The following COL18A1 variants were observed in gnomAD, a reference collection of about 807,000 sequenced individuals.
The protein encoded by COL18A1 is collagen type XVIII alpha 1 chain.
In COL18A1, 133 loss-of-function variants were observed where a neutral mutation model predicts 168.0. That is an observed-to-expected ratio of 0.79 (90% confidence interval 0.69 to 0.91). The LOEUF (loss-of-function observed/expected upper bound fraction) is 0.91. Among genes scored for constraint, COL18A1 ranks in the 40% least tolerant of loss-of-function variants. COL18A1 has a pLI of 0.00. For synonymous variants in COL18A1, 949 were observed against 809.0 expected (o/e 1.17, Z -2.94); for missense variants, 2,126 against 1,925.4 (o/e 1.10, Z -1.95).
At chr21:45,424,044 C>A (rs910523452) in intron 2 of COL18A1, 6 of 152,470 alleles carry the variant, frequency 3.9e-5, no homozygotes, top group African/African-American at 1.4e-4. Flanking sequence ...CTGGGCAGTG[C>A]TGCGGGGCCC....
At chr21:45,426,456 C>G (rs997039880) in intron 2 of COL18A1, among the ~76,000 whole-genome samples, 5 of 152,196 alleles carry the variant, frequency 3.3e-5, no homozygotes, top group African/African-American at 1.2e-4. Context: ...CGAGGCTGCG[C>G]TTGCTCTCCC....
At chr21:45,412,717 G>T (rs574452334) in intron 2 of COL18A1, among the ~76,000 whole-genome samples, 1 of 152,366 alleles carries the variant, frequency 6.6e-6, no homozygotes, top group African/African-American at 2.4e-5. Flanking sequence ...GGGGCCGTGA[G>T]GGTCCTGCAA....
chr21:45,449,671 C>T (rs1001629686), intron 2 of COL18A1, among the ~76,000 whole-genome samples: 4 of 152,176 alleles, frequency 2.6e-5, no homozygotes, highest in Non-Finnish European at 5.9e-5. Context: ...CGTAGGTCTT[C>T]AGGTCCATGT....
chr21:45,438,539 C>T (rs1310022062), intron 2 of COL18A1, among the ~76,000 whole-genome samples: 1 of 152,246 alleles, frequency 6.6e-6, no homozygotes, highest in East Asian at 1.9e-4. Flanking sequence ...GCCGGCTGCA[C>T]GGCCTGCCCT....
intron 2 of COL18A1, 106 bp downstream of exon 2, chr21:45,405,579 G>T (rs1370902084): frequency 1.5e-6 from 1 of 660,326 alleles, no homozygotes; most frequent in South Asian, 6.4e-5. Flanking sequence ...GCCGCTCTGG[G>T]TTCAGCCCCG....
intron 32 of COL18A1, among the ~76,000 whole-genome samples, chr21:45,503,660 T>C (rs1218393294): frequency 2.2e-5 from 3 of 135,728 alleles, no homozygotes; most frequent in Admixed American, 1.4e-4. Context: ...GGGGGAGGGA[T>C]AGCATTGGGA....
chr21:45,476,868 ATGTG>A (rs1018785159), intron 6 of COL18A1, among the ~76,000 whole-genome samples: 1 of 145,302 alleles, frequency 6.9e-6, no homozygotes, highest in Non-Finnish European at 1.5e-5. Context: ...TATTGTGTGT[ATGTG>A]TGTGATGTGC....
intron 32 of COL18A1, among the ~76,000 whole-genome samples, chr21:45,501,459 C>T (rs1412767245): frequency 1.4e-5 from 2 of 144,540 alleles, no homozygotes; most frequent in Non-Finnish European, 3.0e-5. Flanking sequence ...GAACTGTGAC[C>T]CCACGAGTGC....
intron 2 of COL18A1, among the ~76,000 whole-genome samples, chr21:45,410,556 G>A (rs905643373): frequency 6.6e-6 from 1 of 152,252 alleles, no homozygotes; most frequent in African/African-American, 2.4e-5. Flanking sequence ...CCCCGCAGCC[G>A]TTTGTTCGTT....
intron 32 of COL18A1, among the ~76,000 whole-genome samples, chr21:45,503,471 T>TA (rs1415736768): frequency 6.6e-6 from 1 of 151,958 alleles, no homozygotes. Context: ...AAATGATGAG[T>TA]TCATGTCCTT....
In COL18A1 at chr21:45,505,280, T is replaced by C. The variant is rs2037126309; in HGVS notation, c.3013+2T>C. ...CATTTCCTGGCCCTCACAGGCAGAG[T>C]AAGTCAGTGGGGAGTGGGCCCCGGG... is the stretch of plus-strand genomic sequence containing the variant. On this transcript the variant is annotated splice_donor_variant, in intron 35 of 41. Coordinates refer to ENST00000651438, the MANE Select transcript of COL18A1 (RefSeq NM_001379500.1). LOFTEE classifies it high-confidence loss of function. 3.1e-6 allele frequency: 5 copies of C among 1,606,298 alleles called. No individual in the cohort carries two copies. The highest frequency in any genetic ancestry group is 4.3e-6 in the Non-Finnish European group (5 of 1,175,624).
At chr21:45,486,793 C>G (rs1299184490) in intron 15 of COL18A1, 68 bp from the exon 16 acceptor site, 4 of 1,505,142 alleles carry the variant, frequency 2.7e-6, no homozygotes, top group Non-Finnish European at 3.6e-6. Context: ...GAAAACGTGT[C>G]TACGCTGGGG....
intron 32 of COL18A1, 80 bp from the exon 33 acceptor site, chr21:45,503,931 A>G: frequency 6.5e-7 from 1 of 1,529,348 alleles, no homozygotes; most frequent in Non-Finnish European, 9.1e-7. Flanking sequence ...AGGCAAACCC[A>G]CCAGTGCTGG....
chr21:45,476,210 C>T (rs191382528), intron 5 of COL18A1, 141 bp from the exon 6 acceptor site: 25 of 1,269,558 alleles, frequency 2.0e-5, no homozygotes, highest in East Asian at 5.1e-5. Context: ...CCCTCGCGCA[C>T]GGCCCTGGAG....
At chr21:45,453,409 G>A (rs955349435) in intron 2 of COL18A1, among the ~76,000 whole-genome samples, 1 of 152,192 alleles carries the variant, frequency 6.6e-6, no homozygotes, top group African/African-American at 2.4e-5. Flanking sequence ...GTGGGTGTTC[G>A]TGTGTGAGCA....
chr21:45,486,982 C>A lies in COL18A1; in HGVS notation c.1823C>A (p.Pro608His). 1 of 1,520,296 alleles carries A rather than the reference C, an allele frequency of 6.6e-7. No homozygotes were observed. The highest frequency in any genetic ancestry group is 2.4e-5 in the East Asian group (1 of 41,392). The allele number at this position is 1,520,296 out of a possible 1,614,324, so 94.2% of individuals were successfully genotyped here. ...GPPGPPGPGL[P>H]AGFDDMEGSG... is the part of the protein sequence containing the mutation. ...CCTGGGCCCCCAGGACCAGGACTCCCCGCTGGATTTGTGAGTACCGCCTAC... is the reference window on the plus strand; with the variant it reads ...CCTGGGCCCCCAGGACCAGGACTCCACGCTGGATTTGTGAGTACCGCCTAC... Residue 608 changes from proline (P) to histidine (H), a missense_variant, in exon 16 of 42, where the codon CCC becomes CAC. Pro to His is a moderately conservative substitution (Grantham distance 77, BLOSUM62 -2). Transcript: ENST00000651438.
In COL18A1 at chr21:45,456,618, G is replaced by A. The variant is rs764540559; in HGVS notation, c.107-11624G>A. The A allele has an allele frequency of 4.5e-6, 7 of 1,539,542 alleles. No homozygotes were observed. In the South Asian group the frequency reaches 7.1e-5, roughly 16 times the overall value. On this transcript the variant is annotated intron_variant, in intron 2 of 41. Coordinates refer to ENST00000651438, the MANE Select transcript of COL18A1 (RefSeq NM_001379500.1). The stretch of plus-strand genomic sequence containing the variant: ...CCCAACCACCTCCACCACGAGAGCG[G>A]CGAGCAGGTGCGGGCCGGGGCACGG...
chr21:45,478,422 C>T (rs1029400759), intron 9 of COL18A1, 69 bp downstream of exon 9: 15 of 1,604,246 alleles, frequency 9.4e-6, no homozygotes, highest in Non-Finnish European at 1.2e-5. Context: ...GGCTTTGTTG[C>T]CAGTGACACT....
At chr21:45,494,269 C>CCCCCCCCCTCT in intron 26 of COL18A1, 1 of 455,828 alleles carries the variant, frequency 2.2e-6, no homozygotes, top group Non-Finnish European at 3.9e-6. Context: ...CCCTCCACCC[C>CCCCCCCCCTCT]TGCTTCAGGG....
Sources: gnomAD v4.1 joint callset for allele counts (sites outside exome capture counted in the v4.1 genomes callset) on GRCh38, gnomAD v4.1.1 for gene constraint, MANE v1.5 for transcripts, NCBI Gene and HGNC (gene_info 2026-07-23, HGNC 2026-07-21) for gene names.